PHF21A: variants seen among roughly 807,000 people sequenced by gnomAD.
The protein encoded by PHF21A is PHD finger protein 21A.
A neutral mutation model predicts 82.5 loss-of-function variants in PHF21A; 11 were observed. The ratio of observed to expected loss-of-function variants is 0.13; its 90% CI spans 0.08 to 0.22. PHF21A has a LOEUF of 0.22. Among genes scored for constraint, PHF21A ranks in the 10% least tolerant of loss-of-function variants. PHF21A has a pLI of 1.00. For missense variants in PHF21A, 579 were observed against 837.8 expected (o/e 0.69, Z 3.81); for synonymous variants, 297 against 302.8 (o/e 0.98, Z 0.20).
chr11:45,964,483 G>A (rs1401530303), intron 10 of PHF21A, among the ~76,000 whole-genome samples: 3 of 152,152 alleles, frequency 2.0e-5, no homozygotes, highest in African/African-American at 4.8e-5. Context: ...TCCAGAAGCA[G>A]AAGATTCAGG....
chr11:46,087,255 C>T (rs1324641621), intron 3 of PHF21A, among the ~76,000 whole-genome samples: 4 of 152,096 alleles, frequency 2.6e-5, no homozygotes, highest in Non-Finnish European at 4.4e-5. Context: ...AAACAAAATG[C>T]TCAGGAAAAG....
At position 45,933,836 on chromosome 11, in the gene PHF21A, TTC is replaced by T. The variant is rs779234033; in HGVS notation, c.*130_*131del. The T allele has an allele frequency of 1.2e-4, 103 of 856,694 alleles. No individual in the cohort carries two copies. The highest frequency in any genetic ancestry group is 3.4e-4 in the South Asian group (14 of 41,312). The allele number at this position is 856,694 out of a possible 1,614,324, so 53.1% of individuals were successfully genotyped here. A position where few individuals can be genotyped will look rare whatever the true frequency, so the allele number is the denominator to read the frequency against. ...TCTGGTGCCACCTGGCACAAGCATC[TTC>T]TCTCTCTCTGGAACCAAAGAACCAA... On this transcript the variant is annotated 3_prime_UTR_variant, in exon 19 of 19. Coordinates refer to ENST00000676320, the MANE Select transcript of PHF21A (RefSeq NM_001352027.3).
intron 14 of PHF21A, 47 bp from the exon 15 acceptor site, chr11:45,946,050 G>A (rs781543906): frequency 3.7e-6 from 6 of 1,614,136 alleles, no homozygotes; most frequent in Middle Eastern, 1.6e-4. Flanking sequence ...GGGAGGGAAA[G>A]AGAGGGGGAA....
chr11:46,076,699 G>A, intron 6 of PHF21A, 55 bp downstream of exon 6: 1 of 1,384,126 alleles, frequency 7.2e-7, no homozygotes, highest in Non-Finnish European at 1.0e-6. Flanking sequence ...GCCTCGAGCA[G>A]ACATATCTTT....
intron 6 of PHF21A, among the ~76,000 whole-genome samples, chr11:45,992,730 T>C (rs2094756154): frequency 6.6e-6 from 1 of 152,174 alleles, no homozygotes; most frequent in South Asian, 2.1e-4. Flanking sequence ...TATGCTAAGA[T>C]AAAATATCTG....
chr11:45,969,796 T>C lies in PHF21A; in HGVS notation c.702+19A>G, dbSNP rs768072903. The C allele has an allele frequency of 6.5e-7, 1 of 1,526,776 alleles. No homozygotes were observed. Among genetic ancestry groups the C allele is most frequent in the East Asian group, 2.3e-5 (1 of 44,426 alleles). 94.6% of individuals were successfully genotyped at this position (1,526,776 alleles called of 1,614,324 possible). A position where few individuals can be genotyped will look rare whatever the true frequency, so the allele number is the denominator to read the frequency against. On this transcript the variant is annotated intron_variant, in intron 9 of 18. Coordinates refer to ENST00000676320, the MANE Select transcript of PHF21A (RefSeq NM_001352027.3). The stretch of plus-strand genomic sequence containing the variant: ...TGTCCCATCTAACCTATCATTGAGC[T>C]TGTCATTGGTTTACTCACCTGTGGA...
In PHF21A at chr11:46,027,663, A is replaced by C. The variant is rs536851635; in HGVS notation, c.154-47697T>G. ...AGTGCTAAAGACATTCTCCTTATTCACCTTCCATCACATGAAGACTAACAC... is the reference window on the plus strand; with the variant it reads ...AGTGCTAAAGACATTCTCCTTATTCCCCTTCCATCACATGAAGACTAACAC... On this transcript the variant is annotated intron_variant, in intron 6 of 18. Coordinates refer to ENST00000676320, the MANE Select transcript of PHF21A (RefSeq NM_001352027.3). Among the ~76,000 whole-genome samples the C allele has an allele frequency of 2.0e-5, 3 of 152,280 alleles. No homozygotes were observed. The South Asian group carries it at 6.2e-4, about 32-fold the overall frequency.
At chr11:46,093,084 C>T (rs1011763756) in intron 1 of PHF21A, among the ~76,000 whole-genome samples, 2 of 152,158 alleles carry the variant, frequency 1.3e-5, no homozygotes, top group Non-Finnish European at 2.9e-5. Context: ...TTGTAAACCA[C>T]ATACACAAAA....
intron 6 of PHF21A, among the ~76,000 whole-genome samples, chr11:45,986,988 T>C (rs867997001): frequency 6.6e-5 from 10 of 152,254 alleles, no homozygotes; most frequent in African/African-American, 1.9e-4. Flanking sequence ...TATATTAGGA[T>C]ATATATCCCT....
At position 46,031,377 on chromosome 11, in the gene PHF21A, G is replaced by T. The variant is rs542259559; in HGVS notation, c.153+45377C>A. Among the ~76,000 whole-genome samples the T allele has an allele frequency of 1.6e-3, 242 of 152,190 alleles. 1 individual carries two copies. The highest frequency in any genetic ancestry group is 3.1e-3 in the South Asian group (15 of 4,824). ...ATAGCAAGAAAATGTAGCTCAGATT[G>T]ATTATGTCACTTCCTTGGATAAACA... On this transcript the variant is annotated intron_variant, in intron 6 of 18. Transcript: ENST00000676320.
At chr11:46,034,774 A>G (rs907779090) in intron 6 of PHF21A, among the ~76,000 whole-genome samples, 1 of 152,196 alleles carries the variant, frequency 6.6e-6, no homozygotes, top group Non-Finnish European at 1.5e-5. Context: ...CATATGTGTA[A>G]GAAGTCTTAC....
chr11:46,112,474 T>C (rs988721077), intron 1 of PHF21A, among the ~76,000 whole-genome samples: 1 of 152,166 alleles, frequency 6.6e-6, no homozygotes, highest in African/African-American at 2.4e-5. Context: ...CCCTCTGATA[T>C]TAGTTAATAA....
At chr11:46,066,826 A>C (rs923089537) in intron 6 of PHF21A, among the ~76,000 whole-genome samples, 1 of 152,226 alleles carries the variant, frequency 6.6e-6, no homozygotes, top group Admixed American at 6.5e-5. Flanking sequence ...TTCTGTGTAA[A>C]CAATTCTAGA....
At chr11:46,059,615 G>T (rs1269912702) in intron 6 of PHF21A, among the ~76,000 whole-genome samples, 1 of 152,008 alleles carries the variant, frequency 6.6e-6, no homozygotes, top group African/African-American at 2.4e-5. Flanking sequence ...TGTAGAGGTG[G>T]GATGTTGCCA....
chr11:46,084,718 C>T (rs1186155892), intron 3 of PHF21A, among the ~76,000 whole-genome samples: 4 of 150,154 alleles, frequency 2.7e-5, no homozygotes, highest in African/African-American at 4.9e-5. Context: ...CTCGCTCTGT[C>T]GCCCAGGCTG....
chr11:46,000,136 C>T (rs1442180932), intron 6 of PHF21A, among the ~76,000 whole-genome samples: 2 of 152,136 alleles, frequency 1.3e-5, no homozygotes, highest in Non-Finnish European at 2.9e-5. Context: ...ACAATAGTAC[C>T]AGTCAAATTG....
At chr11:45,938,837 C>CTT (rs1315107302) in intron 15 of PHF21A, among the ~76,000 whole-genome samples, 6 of 143,238 alleles carry the variant, frequency 4.2e-5, no homozygotes, top group East Asian at 2.0e-4. Context: ...CTAGTGTATT[C>CTT]TTTTTTTTTT....
At chr11:46,113,253 A>G (rs1470592286) in intron 1 of PHF21A, among the ~76,000 whole-genome samples, 1 of 152,220 alleles carries the variant, frequency 6.6e-6, no homozygotes, top group East Asian at 1.9e-4. Flanking sequence ...AGTCTGAACT[A>G]TCTAGCACAA....
chr11:45,960,695 CAATTAAAAAAA>C (rs1255609632), intron 10 of PHF21A, among the ~76,000 whole-genome samples: 1 of 151,804 alleles, frequency 6.6e-6, no homozygotes, highest in Non-Finnish European at 1.5e-5. Context: ...GATTTCACCT[CAATTAAAAAAA>C]AATTGGATTT....
Sources: gnomAD v4.1 joint callset for allele counts (sites outside exome capture counted in the v4.1 genomes callset) on GRCh38, gnomAD v4.1.1 for gene constraint, MANE v1.5 for transcripts, NCBI Gene and HGNC (gene_info 2026-07-23, HGNC 2026-07-21) for gene names.